The following VOPP1 variants were observed in gnomAD, a reference collection of about 807,000 sequenced individuals.
VOPP1 encodes WW domain binding protein VOPP1.
A neutral mutation model predicts 23.5 loss-of-function variants in VOPP1; 8 were observed. The observed-to-expected ratio is 0.34, with a 90% CI of 0.20 to 0.61. The LOEUF (loss-of-function observed/expected upper bound fraction) is 0.61, where lower values mean the gene tolerates loss of function less well. Ranked by LOEUF, VOPP1 falls within the 20% of genes least tolerant of loss-of-function variation. VOPP1 has a pLI of 0.78. For synonymous variants in VOPP1, 83 were observed against 97.3 expected (o/e 0.85, Z 0.86); for missense variants, 174 against 238.1 (o/e 0.73, Z 1.77).
intron 3 of VOPP1, among the ~76,000 whole-genome samples, chr7:55,494,938 G>A (rs815953): frequency 0.87 from 132,751 of 152,140 alleles, 58,200 homozygotes; most frequent in African/African-American, 0.91. Flanking sequence ...TGGTTGCTCA[G>A]CAGGTTTTGG....
intron 3 of VOPP1, among the ~76,000 whole-genome samples, chr7:55,497,387 C>A (rs944909807): frequency 6.6e-6 from 1 of 152,222 alleles, no homozygotes; most frequent in African/African-American, 2.4e-5. Flanking sequence ...CAGAGCTCTT[C>A]TTCCCACTCC....
chr7:55,527,683 A>G (rs1255804912), intron 1 of VOPP1, among the ~76,000 whole-genome samples: 1 of 152,234 alleles, frequency 6.6e-6, no homozygotes, highest in African/African-American at 2.4e-5. Context: ...TAAAAGGTAG[A>G]AGCAGAGGAA....
intron 4 of VOPP1, among the ~76,000 whole-genome samples, chr7:55,436,578 C>T (rs777407025): frequency 6.6e-6 from 1 of 150,648 alleles, no homozygotes; most frequent in Non-Finnish European, 1.5e-5. Context: ...CTTGGCAGCC[C>T]TGGGCTTTCA....
chr7:55,489,098 C>CAA (rs1257000276), intron 4 of VOPP1, among the ~76,000 whole-genome samples: 1 of 152,232 alleles, frequency 6.6e-6, no homozygotes, highest in African/African-American at 2.4e-5. Flanking sequence ...CTGCAGACCC[C>CAA]ATTCTTTTGT....
chr7:55,455,996 TATC>T (rs1405558824), intron 4 of VOPP1, among the ~76,000 whole-genome samples: 5 of 152,070 alleles, frequency 3.3e-5, no homozygotes. Context: ...CAAAAGAAAC[TATC>T]ATCAGAGTGA....
At chr7:55,508,917 G>A (rs1165575121) in intron 2 of VOPP1, among the ~76,000 whole-genome samples, 4 of 152,154 alleles carry the variant, frequency 2.6e-5, no homozygotes, top group African/African-American at 9.7e-5. Flanking sequence ...GGTAGCATAT[G>A]CCTATAGTCC....
intron 1 of VOPP1, among the ~76,000 whole-genome samples, chr7:55,524,847 T>C (rs1302602657): frequency 3.9e-5 from 6 of 152,032 alleles, no homozygotes; most frequent in Admixed American, 6.6e-5. Flanking sequence ...AGAAAGGCAG[T>C]CTCTGCCTAC....
chr7:55,539,008 C>A (rs1446451226), intron 1 of VOPP1, among the ~76,000 whole-genome samples: 1 of 114,252 alleles, frequency 8.8e-6, no homozygotes, highest in Non-Finnish European at 1.6e-5. Context: ...GGAAAGGTTT[C>A]ATTCCTTTTT....
chr7:55,473,132 C>CG, intron 4 of VOPP1, 87 bp from the exon 5 acceptor site: 3 of 1,516,304 alleles, frequency 2.0e-6, no homozygotes, highest in Non-Finnish European at 2.6e-6. Flanking sequence ...CAGCAGACCA[C>CG]GCCCCGTCAT....
chr7:55,564,926 A>C (rs910109529), intron 1 of VOPP1, among the ~76,000 whole-genome samples: 1 of 152,174 alleles, frequency 6.6e-6, no homozygotes, highest in Admixed American at 6.5e-5. Flanking sequence ...GGCACCATCC[A>C]AATGTGACTC....
chr7:55,527,957 C>T (rs1796285443), intron 1 of VOPP1, among the ~76,000 whole-genome samples: 1 of 150,956 alleles, frequency 6.6e-6, no homozygotes, highest in African/African-American at 2.4e-5. Context: ...AAAAAAAAAT[C>T]ACATAATTGT....
chr7:55,436,375 G>A (rs1356999947), intron 4 of VOPP1, among the ~76,000 whole-genome samples: 1 of 152,114 alleles, frequency 6.6e-6, no homozygotes, highest in Non-Finnish European at 1.5e-5. Context: ...TACCTTATTT[G>A]GTAGGTGGGA....
rs1295895860 is a variant in VOPP1, at chr7:55,541,034, T to C, written c.55-19904A>G. Among the ~76,000 whole-genome samples, 9 of 152,048 alleles carry C rather than the reference T, an allele frequency of 5.9e-5. No homozygotes were observed. In the East Asian group the frequency reaches 1.5e-3, roughly 26 times the overall value. ...ACAACCCGCAGAAACGGGAAAAAAA[T>C]ACTTGCCCATTATCTAGCTGATAAG... On this transcript the variant is annotated intron_variant, in intron 1 of 4. Transcript: ENST00000285279.
chr7:55,572,199 G>T, intron 1 of VOPP1, 72 bp downstream of exon 1: 1 of 1,355,438 alleles, frequency 7.4e-7, no homozygotes, highest in Non-Finnish European at 9.9e-7. Flanking sequence ...GGGGCGCCTC[G>T]GAACTGCGCG....
At chr7:55,478,015 G>A (rs557249507) in intron 4 of VOPP1, among the ~76,000 whole-genome samples, 96 of 152,330 alleles carry the variant, frequency 6.3e-4, no homozygotes, top group African/African-American at 2.0e-3. Context: ...CAGGACGCTG[G>A]CCATGCTTAC....
chr7:55,446,839 C>T (rs560625471), intron 4 of VOPP1, among the ~76,000 whole-genome samples: 2 of 152,290 alleles, frequency 1.3e-5, no homozygotes, highest in Non-Finnish European at 2.9e-5. Context: ...AGGTTAGTAA[C>T]AAAACAACTG....
At chr7:55,468,499 G>T (rs148324735), downstream of VOPP1, among the ~76,000 whole-genome samples, 1,830 of 152,250 alleles carry the variant, frequency 0.012, 13 homozygotes, top group Admixed American at 0.021. Flanking sequence ...GAGGTGCAAC[G>T]GTCTGGAAAC....
At chr7:55,507,781 G>A (rs1272472567) in intron 2 of VOPP1, among the ~76,000 whole-genome samples, 1 of 152,136 alleles carries the variant, frequency 6.6e-6, no homozygotes, top group African/African-American at 2.4e-5. Context: ...CCTGTGTGTT[G>A]AGACGTGTGG....
At chr7:55,495,335 T>C (rs117024757) in intron 3 of VOPP1, among the ~76,000 whole-genome samples, 1,683 of 152,336 alleles carry the variant, frequency 0.011, 11 homozygotes, top group Middle Eastern at 0.02. Flanking sequence ...AGGCATTCTC[T>C]TTCAAAACCT....
Sources: allele counts gnomAD v4.1 joint callset (sites outside exome capture counted in the v4.1 genomes callset), GRCh38; gene constraint gnomAD v4.1.1; transcripts MANE v1.5; gene names NCBI Gene and HGNC (gene_info 2026-07-23, HGNC 2026-07-21).